TMEM132B: variants seen among roughly 807,000 people sequenced by gnomAD.
The protein encoded by TMEM132B is transmembrane protein 132B.
Under a neutral mutation model 90.8 loss-of-function variants are expected in TMEM132B, and 18 were observed. That is an observed-to-expected ratio of 0.20 (90% CI 0.14 to 0.29). TMEM132B has a LOEUF of 0.29. TMEM132B is among the 10% of genes least tolerant of loss of function. TMEM132B has a pLI of 1.00. For missense variants in TMEM132B, 1,096 were observed against 1,326.8 expected, an observed-to-expected ratio of 0.83 and a Z score of 2.70; for synonymous variants, 504 against 523.3, an observed-to-expected ratio of 0.96 and a Z score of 0.50.
intron 3 of TMEM132B, among the ~76,000 whole-genome samples, chr12:125,457,051 G>A (rs1881310303): frequency 6.6e-6 from 1 of 152,104 alleles, no homozygotes; most frequent in African/African-American, 2.4e-5. Context: ...TCCTGAGTGG[G>A]CTCTGCTGCC....
intron 2 of TMEM132B, among the ~76,000 whole-genome samples, chr12:125,373,857 T>C (rs542768028): frequency 1.1e-4 from 16 of 152,278 alleles, no homozygotes; most frequent in African/African-American, 3.8e-4. Flanking sequence ...TTCAGTGGGG[T>C]GATCTTGGCT....
chr12:125,236,484 C>G (rs1463168992), intron 1 of TMEM132B, among the ~76,000 whole-genome samples: 1 of 152,162 alleles, frequency 6.6e-6, no homozygotes, highest in Non-Finnish European at 1.5e-5. Flanking sequence ...TAACCCTATT[C>G]CATTGTTGGG....
intron 1 of TMEM132B, among the ~76,000 whole-genome samples, chr12:125,240,220 C>T (rs1025171916): frequency 7.2e-5 from 11 of 152,144 alleles, no homozygotes; most frequent in East Asian, 3.9e-4. Context: ...CTGCCTAACA[C>T]GTTGAGTGTC....
intron 1 of TMEM132B, among the ~76,000 whole-genome samples, chr12:125,217,516 A>T (rs1873464048): frequency 6.6e-6 from 1 of 152,158 alleles, no homozygotes; most frequent in Non-Finnish European, 1.5e-5. Flanking sequence ...GCACAATCTC[A>T]GTTCATTGCA....
At chr12:125,312,508 G>A (rs1408229056) in intron 1 of TMEM132B, among the ~76,000 whole-genome samples, 1 of 152,204 alleles carries the variant, frequency 6.6e-6, no homozygotes, top group African/African-American at 2.4e-5. Flanking sequence ...TGTTGCTGGG[G>A]TGGCCCTCTG....
rs200053259 is a variant in TMEM132B at position 125,247,868 on chromosome 12, C to CT, written c.67+61010dup. On this transcript the variant is annotated intron_variant, in intron 1 of 8. Coordinates refer to ENST00000682704, the MANE Select transcript of TMEM132B (RefSeq NM_001366854.1). Reference sequence around the variant, plus strand: ...AAGTAGGGACTACTCCTTGCTGTCTCTTTTTTTTATTTTCCAGCCAATTAA... The same window carrying CT: ...AAGTAGGGACTACTCCTTGCTGTCTCTTTTTTTTTATTTTCCAGCCAATTAA... Among the ~76,000 whole-genome samples, 769 of 152,218 alleles carry CT rather than the reference C, an allele frequency of 5.1e-3. 8 individuals are homozygous for CT. Among genetic ancestry groups the CT allele is most frequent in the South Asian group, 6.0e-3 (29 of 4,812 alleles).
At chr12:125,633,058 G>C (rs772342391) in intron 5 of TMEM132B, among the ~76,000 whole-genome samples, 2 of 151,808 alleles carry the variant, frequency 1.3e-5, no homozygotes, top group Non-Finnish European at 2.9e-5. Context: ...TTTCTTGTAG[G>C]TGTGCTACAA....
At chr12:125,472,945 G>A (rs1167068859) in intron 3 of TMEM132B, among the ~76,000 whole-genome samples, 2 of 152,200 alleles carry the variant, frequency 1.3e-5, no homozygotes, top group Non-Finnish European at 2.9e-5. Flanking sequence ...TCAGTTCCAC[G>A]TGTGAGCCTT....
rs56997387 is a variant in TMEM132B, at chr12:125,246,904, T to C, written c.67+60038T>C. ...CATCACATTTCCCACCGGGAGAGCC[T>C]GGGGTTTGTGGGGGAGGTGGTGGGG... On this transcript the variant is annotated intron_variant, in intron 1 of 8. Transcript: ENST00000682704. This position sits in a 1 kb window ranked among gnomAD's most constrained non-coding sequence, Gnocchi z 4.2. 1.7e-3 allele frequency among the ~76,000 whole-genome samples: 253 copies of C among 151,486 alleles called. 2 individuals are homozygous for C. Among genetic ancestry groups the C allele is most frequent in the African/African-American group, 5.9e-3 (245 of 41,296 alleles).
chr12:125,450,830 A>C (rs1464786447), intron 3 of TMEM132B, among the ~76,000 whole-genome samples: 2 of 152,178 alleles, frequency 1.3e-5, no homozygotes, highest in Admixed American at 1.3e-4. Context: ...GCACATGGAC[A>C]CCCATTGCCC....
At chr12:125,395,223 G>A (rs1046922934) in intron 2 of TMEM132B, among the ~76,000 whole-genome samples, 92 of 152,174 alleles carry the variant, frequency 6.0e-4, no homozygotes, top group African/African-American at 2.2e-3. Flanking sequence ...GAGAGGAAGA[G>A]GTGAAAAAAA....
At chr12:125,570,682 G>A (rs1466543730) in intron 4 of TMEM132B, among the ~76,000 whole-genome samples, 8 of 152,306 alleles carry the variant, frequency 5.3e-5, no homozygotes, top group Non-Finnish European at 1.2e-4. Context: ...TGATTTCAGC[G>A]TTATATAATA....
chr12:125,380,810 G>A (rs1262827519), intron 2 of TMEM132B, among the ~76,000 whole-genome samples: 2 of 152,178 alleles, frequency 1.3e-5, no homozygotes, highest in Admixed American at 6.5e-5. Flanking sequence ...TGAGTCCTCT[G>A]TGGTTCCATT....
At chr12:125,471,499 A>T (rs1261364773) in intron 3 of TMEM132B, among the ~76,000 whole-genome samples, 3 of 152,236 alleles carry the variant, frequency 2.0e-5, no homozygotes, top group Non-Finnish European at 4.4e-5. Context: ...TTTTAAAGTT[A>T]GAATGGCCTC....
intron 1 of TMEM132B, chr12:125,326,430 G>A: frequency 1.5e-6 from 1 of 663,188 alleles, no homozygotes; most frequent in South Asian, 1.8e-5. Context: ...CCTCCTTGTT[G>A]ACCTGTTTCC....
At chr12:125,501,985 T>TGTGTGTGTATCTGCATGA (rs1176826120) in intron 3 of TMEM132B, among the ~76,000 whole-genome samples, 2 of 152,214 alleles carry the variant, frequency 1.3e-5, no homozygotes, top group African/African-American at 2.4e-5. Context: ...TATGTGCACG[T>TGTGTGTGTATCTGCATGA]GTGTGTGTAT....
chr12:125,485,381 C>T (rs1361658033), intron 3 of TMEM132B, among the ~76,000 whole-genome samples: 1 of 152,218 alleles, frequency 6.6e-6, no homozygotes, highest in East Asian at 1.9e-4. Context: ...GCCACCACAA[C>T]TCCCTGCCAG....
intron 5 of TMEM132B, among the ~76,000 whole-genome samples, chr12:125,589,584 T>C (rs1885272155): frequency 6.6e-6 from 1 of 150,786 alleles, no homozygotes; most frequent in African/African-American, 2.4e-5. Flanking sequence ...ACAGGAAGCA[T>C]GGTTCTGATC....
At chr12:125,594,533 G>A (rs1356444983) in intron 5 of TMEM132B, among the ~76,000 whole-genome samples, 2 of 152,072 alleles carry the variant, frequency 1.3e-5, no homozygotes, top group African/African-American at 4.8e-5. Context: ...CCACATCTTG[G>A]CCAGCACTTA....
Sources: gnomAD v4.1 joint callset for allele counts (sites outside exome capture counted in the v4.1 genomes callset) on GRCh38, gnomAD v4.1.1 for gene constraint, Gnocchi (gnomAD v3.1) non-coding constraint, MANE v1.5 for transcripts, NCBI Gene and HGNC (gene_info 2026-07-23, HGNC 2026-07-21) for gene names.